The following FIG4 variants were observed in gnomAD, a reference collection of about 807,000 sequenced individuals.
The protein encoded by FIG4 is polyphosphoinositide phosphatase.
FIG4 carries 112 observed loss-of-function variants against 118.6 expected under a neutral mutation model. The observed-to-expected ratio is 0.94, with a 90% CI of 0.81 to 1.11. FIG4 has a LOEUF of 1.11. Among genes scored for constraint, FIG4 ranks in the 50% least tolerant of loss-of-function variants. FIG4 has a pLI of 0.00. For missense variants in FIG4, 969 were observed against 1,111.7 expected, an observed-to-expected ratio of 0.87 and a Z score of 1.83; for synonymous variants, 369 against 381.2, an observed-to-expected ratio of 0.97 and a Z score of 0.37.
chr6:109,721,128 A>G (rs745651987), intron 3 of FIG4, among the ~76,000 whole-genome samples: 2 of 152,228 alleles, frequency 1.3e-5, no homozygotes, highest in Non-Finnish European at 2.9e-5. Context: ...AGAAGTATCA[A>G]TACGGTACAC....
chr6:109,822,048 A>G (rs1354845443), intron 22 of FIG4, among the ~76,000 whole-genome samples: 3 of 152,218 alleles, frequency 2.0e-5, no homozygotes, highest in Non-Finnish European at 2.9e-5. Context: ...TCTTAAAAAA[A>G]GAAAGAAAAA....
In FIG4 at chr6:109,775,564, C is replaced by T. The variant is rs191605364; in HGVS notation, c.1751-1358C>T. Among the ~76,000 whole-genome samples, 1,077 of 152,194 alleles carry T rather than the reference C, an allele frequency of 7.1e-3. 5 individuals are homozygous for T. The highest frequency in any genetic ancestry group is 0.011 in the Admixed American group (170 of 15,300). On this transcript the variant is annotated intron_variant, in intron 15 of 22. Coordinates refer to ENST00000230124, the MANE Select transcript of FIG4 (RefSeq NM_014845.6). ...AATGAACTATTAAGTGCTATTAAGGCTATTTAAGAAGCAGAAAGAATGTAA... is the reference window on the plus strand; with the variant it reads ...AATGAACTATTAAGTGCTATTAAGGTTATTTAAGAAGCAGAAAGAATGTAA...
intron 16 of FIG4, among the ~76,000 whole-genome samples, chr6:109,778,594 T>TGTTC (rs1777691734): frequency 1.3e-5 from 2 of 152,060 alleles, no homozygotes; most frequent in South Asian, 4.1e-4. Flanking sequence ...TGTTTTTTTT[T>TGTTC]GTTTGTTTGT....
chr6:109,735,275 G>A lies in FIG4; in HGVS notation c.623G>A (p.Gly208Glu). Residue 208 changes from glycine (G) to glutamate (E), a missense_variant, in exon 6 of 23, where the codon GGA becomes GAA. Gly to Glu is a moderately conservative substitution (Grantham distance 98). Transcript: ENST00000230124. ...AGCTTTGACATCTTTGAAGATGAAG[G>A]ATTAATTACACAAGGTGGAAGCGGT... is the stretch of plus-strand genomic sequence containing the variant. ...QESFDIFEDE[G>E]LITQGGSGVF... is the part of the protein sequence containing the mutation. The A allele has an allele frequency of 6.2e-7, 1 of 1,613,530 alleles. No homozygotes were observed. The highest frequency in any genetic ancestry group is 8.5e-7 in the Non-Finnish European group (1 of 1,179,576).
chr6:109,784,889 T>C (rs1777907207), intron 16 of FIG4, 81 bp from the exon 17 acceptor site: 1 of 729,894 alleles, frequency 1.4e-6, no homozygotes, highest in South Asian at 1.7e-5. Flanking sequence ...CTATAGACCA[T>C]ATAAATTATT....
intron 18 of FIG4, among the ~76,000 whole-genome samples, chr6:109,787,001 G>C (rs867950761): frequency 2.0e-5 from 3 of 152,026 alleles, no homozygotes; most frequent in African/African-American, 7.2e-5. Flanking sequence ...ATTATTATTA[G>C]TCATAGGACA....
chr6:109,778,585 GT>G lies in FIG4; in HGVS notation c.1889+1534del, dbSNP rs781381723. Among the ~76,000 whole-genome samples, 59 of 150,912 alleles carry G rather than the reference GT, an allele frequency of 3.9e-4. 1 individual carries two copies. Among genetic ancestry groups the G allele is most frequent in the Non-Finnish European group, 3.0e-5 (2 of 67,696 alleles). On this transcript the variant is annotated intron_variant, in intron 16 of 22. Transcript: ENST00000230124. ...AGTTGCAAGTACAGCTCTTGCAGTTGTTTTTTTTTGTTTGTTTGTTTGTTTT... is the reference window on the plus strand; with the variant it reads ...AGTTGCAAGTACAGCTCTTGCAGTTGTTTTTTTTGTTTGTTTGTTTGTTTT...
intron 16 of FIG4, among the ~76,000 whole-genome samples, chr6:109,783,174 C>G (rs2128395703): frequency 6.6e-6 from 1 of 152,272 alleles, no homozygotes; most frequent in African/African-American, 2.4e-5. Context: ...GGGCTTAATA[C>G]CTAGGTGATG....
rs1180938361 is a variant in FIG4, at chr6:109,776,950, C to T, written c.1779C>T (p.Leu593=). Residue 593 remains leucine (L), a synonymous_variant, in exon 16 of 23, where the codon CTC becomes CTT. Transcript: ENST00000230124. ...CCGATAGACAAGATTCCATTAATCTCTTCCTGGGAGTTTTCCATCCCACTG... is the reference window on the plus strand; with the variant it reads ...CCGATAGACAAGATTCCATTAATCTTTTCCTGGGAGTTTTCCATCCCACTG... ...SDADRQDSIN[L]FLGVFHPTEG... 2 of 1,613,554 alleles carry T rather than the reference C, an allele frequency of 1.2e-6. No homozygotes were observed. The highest frequency in any genetic ancestry group is 1.3e-5 in the African/African-American group (1 of 75,018).
intron 22 of FIG4, among the ~76,000 whole-genome samples, chr6:109,822,546 T>A (rs1208592396): frequency 6.6e-6 from 1 of 151,990 alleles, no homozygotes; most frequent in African/African-American, 2.4e-5. Context: ...CTTTGCTATA[T>A]AACAGTGTAA....
At chr6:109,798,965 A>G (rs1778360527) in intron 22 of FIG4, among the ~76,000 whole-genome samples, 1 of 152,352 alleles carries the variant, frequency 6.6e-6, no homozygotes, top group African/African-American at 2.4e-5. Flanking sequence ...CTAGTAAAAT[A>G]AGAGACTCTA....
intron 1 of FIG4, among the ~76,000 whole-genome samples, chr6:109,695,041 A>G (rs895082367): frequency 1.3e-5 from 2 of 152,228 alleles, no homozygotes; most frequent in Non-Finnish European, 2.9e-5. Context: ...TCCTCAAAAA[A>G]CTAAAAATCC....
chr6:109,697,912 G>A (rs926625716), intron 1 of FIG4, among the ~76,000 whole-genome samples: 5 of 148,794 alleles, frequency 3.4e-5, no homozygotes, highest in Admixed American at 6.7e-5. Context: ...TTTCTAAGAC[G>A]GTGATTTGCA....
intron 22 of FIG4, among the ~76,000 whole-genome samples, chr6:109,804,176 C>A (rs1778503680): frequency 6.6e-6 from 1 of 152,086 alleles, no homozygotes; most frequent in Admixed American, 6.5e-5. Flanking sequence ...CTGATGTGGT[C>A]ATATGAGGGG....
At chr6:109,733,382 G>C (rs1776067043) in intron 5 of FIG4, among the ~76,000 whole-genome samples, 3 of 152,150 alleles carry the variant, frequency 2.0e-5, no homozygotes, top group Admixed American at 2.0e-4. Flanking sequence ...GGGCCTGATA[G>C]ATGCAATTAT....
At chr6:109,783,945 T>G (rs925832175) in intron 16 of FIG4, among the ~76,000 whole-genome samples, 2 of 152,226 alleles carry the variant, frequency 1.3e-5, no homozygotes, top group African/African-American at 4.8e-5. Flanking sequence ...TATTCCTTTT[T>G]TCATCATTAG....
chr6:109,705,450 C>T (rs1414515658), intron 1 of FIG4, among the ~76,000 whole-genome samples: 1 of 152,132 alleles, frequency 6.6e-6, no homozygotes, highest in Admixed American at 6.5e-5. Flanking sequence ...CTGCACAAAA[C>T]GTTTTTAGGA....
chr6:109,824,068 A>G (rs1779086426), intron 22 of FIG4, among the ~76,000 whole-genome samples: 2 of 152,214 alleles, frequency 1.3e-5, no homozygotes, highest in African/African-American at 4.8e-5. Flanking sequence ...CCTCTTGCTA[A>G]GGATGTCAGA....
At chr6:109,709,096 T>A (rs547416438) in intron 1 of FIG4, among the ~76,000 whole-genome samples, 2 of 152,324 alleles carry the variant, frequency 1.3e-5, no homozygotes, top group Admixed American at 1.3e-4. Context: ...TACTTCTGGG[T>A]TTTACATTTA....
Sources: gnomAD v4.1 joint callset for allele counts (sites outside exome capture counted in the v4.1 genomes callset) on GRCh38, gnomAD v4.1.1 for gene constraint, MANE v1.5 for transcripts, NCBI Gene and HGNC (gene_info 2026-07-23, HGNC 2026-07-21) for gene names.